Variants in NECAB1 observed in about 807,000 individuals in gnomAD.
The protein encoded by NECAB1 is N-terminal EF-hand calcium binding protein 1.
A neutral mutation model predicts 57.5 loss-of-function variants in NECAB1; 29 were observed. The ratio of observed to expected loss-of-function variants is 0.50; its 90% confidence interval spans 0.38 to 0.69. The LOEUF (loss-of-function observed/expected upper bound fraction) is 0.69. Ranked by LOEUF, NECAB1 falls within the 30% of genes least tolerant of loss-of-function variation. The probability of loss-of-function intolerance (pLI) is 0.00; values close to 1 mark genes in which losing one functional copy is unlikely to be tolerated. For missense variants in NECAB1, 372 were observed against 413.8 expected (o/e 0.90, Z 0.88); for synonymous variants, 142 against 147.7 (o/e 0.96, Z 0.28).
chr8:90,864,221 G>T (rs1304708880), intron 3 of NECAB1, among the ~76,000 whole-genome samples: 1 of 151,236 alleles, frequency 6.6e-6, no homozygotes, highest in Non-Finnish European at 1.5e-5. Flanking sequence ...GAACATTTGT[G>T]AGACTCTGGA....
At chr8:90,915,889 G>T (rs1014059837) in intron 5 of NECAB1, among the ~76,000 whole-genome samples, 1 of 152,216 alleles carries the variant, frequency 6.6e-6, no homozygotes, top group Non-Finnish European at 1.5e-5. Context: ...CAGCACAGAA[G>T]AAAGATGAAG....
At chr8:90,850,887 C>T (rs926073022) in intron 3 of NECAB1, among the ~76,000 whole-genome samples, 2 of 152,104 alleles carry the variant, frequency 1.3e-5, no homozygotes, top group Non-Finnish European at 2.9e-5. Context: ...TTCAACCATA[C>T]CTGAGTTTAT....
chr8:90,949,966 G>T lies in NECAB1; in HGVS notation c.938+82G>T, dbSNP rs375058585. 1.1e-4 allele frequency: 88 copies of T among 831,456 alleles called. No homozygotes were observed. The African/African-American group carries it at 1.1e-3, about 11-fold the overall frequency. 51.5% of individuals were successfully genotyped at this position (831,456 alleles called of 1,614,324 possible). ...ATGTAATTTTAGGATTTGTAGGAAA[G>T]TTCCATTCTCTTTTACCTTACCTTA... On this transcript the variant is annotated intron_variant, in intron 11 of 12. Coordinates refer to ENST00000417640, the MANE Select transcript of NECAB1 (RefSeq NM_022351.5).
At chr8:90,815,346 T>C (rs1325555085) in intron 2 of NECAB1, among the ~76,000 whole-genome samples, 1 of 152,098 alleles carries the variant, frequency 6.6e-6, no homozygotes, top group African/African-American at 2.4e-5. Flanking sequence ...TACAGTTAAA[T>C]TGTTTTGTCA....
In NECAB1 at chr8:90,935,732, T is replaced by C. The variant is rs111738006; in HGVS notation, c.747+1375T>C. ...TGAGATTATTTTTTCTCTCTAGTTA[T>C]GAAGAGGAAAAATTGTCTAAGGATT... On this transcript the variant is annotated intron_variant, in intron 9 of 12. Coordinates refer to ENST00000417640, the MANE Select transcript of NECAB1 (RefSeq NM_022351.5). Among the ~76,000 whole-genome samples, 1,378 of 152,268 alleles carry C rather than the reference T, an allele frequency of 9.0e-3. 20 individuals are homozygous for C. Among genetic ancestry groups the C allele is most frequent in the African/African-American group, 0.031 (1,290 of 41,558 alleles).
chr8:90,829,210 TA>T (rs1427001203), intron 3 of NECAB1, among the ~76,000 whole-genome samples: 2 of 152,030 alleles, frequency 1.3e-5, no homozygotes, highest in Non-Finnish European at 2.9e-5. Flanking sequence ...TAGCAAAAAC[TA>T]AATCTATAGC....
chr8:90,959,157 C>A lies in NECAB1; in HGVS notation c.*3645C>A. The A allele has an allele frequency of 2.1e-6, 1 of 474,738 alleles. No homozygotes were observed. The allele number at this position is 474,738 out of a possible 1,614,324, so 29.4% of individuals were successfully genotyped here. ...ATTTAAATGCATGTTACCATAGAAA[C>A]TATTAAAGTAACTAGAACTGTCAAA... On this transcript the variant is annotated 3_prime_UTR_variant, in exon 13 of 13. Coordinates refer to ENST00000417640, the MANE Select transcript of NECAB1 (RefSeq NM_022351.5).
At chr8:90,895,360 A>G (rs1809298966) in intron 5 of NECAB1, among the ~76,000 whole-genome samples, 1 of 152,208 alleles carries the variant, frequency 6.6e-6, no homozygotes, top group Non-Finnish European at 1.5e-5. Context: ...AGAGAAAGAA[A>G]ACAGAAAAAG....
intron 5 of NECAB1, among the ~76,000 whole-genome samples, chr8:90,911,517 G>A (rs1040071749): frequency 6.6e-6 from 1 of 152,084 alleles, no homozygotes; most frequent in African/African-American, 2.4e-5. Context: ...TTTTGCACTT[G>A]AACTCTACAT....
chr8:90,927,559 TA>T (rs1810303966), intron 7 of NECAB1, among the ~76,000 whole-genome samples: 1 of 151,414 alleles, frequency 6.6e-6, no homozygotes, highest in South Asian at 2.1e-4. Flanking sequence ...ACAATGTTAA[TA>T]AAAACAATAA....
chr8:90,850,192 G>C (rs956194528), intron 3 of NECAB1, among the ~76,000 whole-genome samples: 1 of 152,138 alleles, frequency 6.6e-6, no homozygotes, highest in African/African-American at 2.4e-5. Context: ...GCATAAATAA[G>C]GTGGAGATAG....
intron 3 of NECAB1, among the ~76,000 whole-genome samples, chr8:90,852,050 G>A (rs1812693672): frequency 6.6e-6 from 1 of 151,872 alleles, no homozygotes; most frequent in African/African-American, 2.4e-5. Context: ...TTTTGTTGTT[G>A]TTATTTTTAA....
At chr8:90,952,945 T>C (rs1340165998) in intron 12 of NECAB1, among the ~76,000 whole-genome samples, 1 of 152,182 alleles carries the variant, frequency 6.6e-6, no homozygotes, top group Non-Finnish European at 1.5e-5. Flanking sequence ...ACAGTATTAC[T>C]ATAGTACAGT....
At chr8:90,882,425 G>GA (rs987293040) in intron 5 of NECAB1, among the ~76,000 whole-genome samples, 38 of 134,668 alleles carry the variant, frequency 2.8e-4, no homozygotes, top group Middle Eastern at 4.0e-3. Flanking sequence ...GAGAGAGAGA[G>GA]AAAAAAAAAA....
intron 2 of NECAB1, among the ~76,000 whole-genome samples, chr8:90,808,321 T>C (rs1278579288): frequency 3.3e-5 from 5 of 152,202 alleles, no homozygotes; most frequent in African/African-American, 1.2e-4. Context: ...CCAGCCTTCC[T>C]TTCCTTTCTG....
intron 2 of NECAB1, among the ~76,000 whole-genome samples, chr8:90,821,134 T>C (rs1161437515): frequency 1.3e-5 from 2 of 151,806 alleles, no homozygotes; most frequent in Non-Finnish European, 2.9e-5. Context: ...CCATCGCCCA[T>C]TGACTTTTCT....
intron 1 of NECAB1, among the ~76,000 whole-genome samples, chr8:90,795,911 G>T (rs6996536): frequency 6.6e-6 from 1 of 152,200 alleles, no homozygotes; most frequent in African/African-American, 2.4e-5. Flanking sequence ...GGATTGATAG[G>T]TGCAGCAAAC....
intron 2 of NECAB1, among the ~76,000 whole-genome samples, chr8:90,814,141 A>G (rs753269394): frequency 2.0e-5 from 3 of 152,198 alleles, no homozygotes; most frequent in Non-Finnish European, 2.9e-5. Context: ...AATCTTGACA[A>G]GTTTCAAGGA....
In NECAB1 at chr8:90,917,482, T is replaced by A. The variant is rs1031786688; in HGVS notation, c.358-10T>A. ...CATACTTCTAATTGCATTTGTTTTG[T>A]CACCCTTAGGACTACCAAGAAGCCT... On this transcript the variant is annotated splice_polypyrimidine_tract_variant and intron_variant, in intron 5 of 12. Coordinates refer to ENST00000417640, the MANE Select transcript of NECAB1 (RefSeq NM_022351.5). 3 of 1,570,302 alleles carry A rather than the reference T, an allele frequency of 1.9e-6. No individual in the cohort carries two copies. The African/African-American group carries it at 4.1e-5, about 22-fold the overall frequency.
Sources: gnomAD v4.1 joint callset for allele counts (sites outside exome capture counted in the v4.1 genomes callset) on GRCh38, gnomAD v4.1.1 for gene constraint, MANE v1.5 for transcripts, NCBI Gene and HGNC (gene_info 2026-07-23, HGNC 2026-07-21) for gene names.